The following LEMD3 variants were observed in gnomAD, a reference collection of about 807,000 sequenced individuals.
LEMD3 encodes LEM domain containing 3, also known as inner nuclear membrane protein Man1.
A neutral mutation model predicts 95.2 loss-of-function variants in LEMD3; 33 were observed. The observed-to-expected ratio is 0.35, with a 90% CI of 0.26 to 0.46. LEMD3 has a LOEUF of 0.46. LEMD3 is among the 20% of genes least tolerant of loss of function. The pLI is 1.00. For synonymous variants in LEMD3, 525 were observed against 474.6 expected, an observed-to-expected ratio of 1.11 and a Z score of -1.38; for missense variants, 1,210 against 1,192.8, an observed-to-expected ratio of 1.01 and a Z score of -0.21.
chr12:65,170,574 G>T lies in LEMD3; in HGVS notation c.978G>T (p.Gly326=). Residue 326 remains glycine (G), a synonymous_variant, in exon 1 of 13, where the codon GGG becomes GGT. Transcript: ENST00000308330. ...TGAATGACAGGGCGGCGGCTGCCGG[G>T]AGTCTAGACAGGAGCCGAAACCTCG... ...LAMNDRAAAA[G]SLDRSRNLEE... The T allele has an allele frequency of 2.5e-6, 4 of 1,614,010 alleles. No individual in the cohort carries two copies. The highest frequency in any genetic ancestry group is 3.4e-6 in the Non-Finnish European group (4 of 1,179,964).
Position 65,246,247 on chromosome 12 carries a change from G to A in LEMD3, c.2658G>A (p.Lys886=), listed in dbSNP as rs17101179. 5,706 of 1,612,914 alleles carry A rather than the reference G, an allele frequency of 3.5e-3. 170 individuals are homozygous for A. In the African/African-American group the frequency reaches 0.065, roughly 18 times the overall value. ...CTCTCACTTCCAACACTCCATTGAA[G>A]CCATCAAATAAACATATGAACTCCA... ...PQALTSNTPL[K]PSNKHMNSMS... is the part of the protein sequence containing the mutation. Residue 886 remains lysine (K), a synonymous_variant, in exon 13 of 13, where the codon AAG becomes AAA. Coordinates refer to ENST00000308330, the MANE Select transcript of LEMD3 (RefSeq NM_014319.5).
chr12:65,225,797 G>A (rs1046273576), intron 4 of LEMD3, among the ~76,000 whole-genome samples: 1 of 152,122 alleles, frequency 6.6e-6, no homozygotes, highest in African/African-American at 2.4e-5. Flanking sequence ...AGCCAGGATG[G>A]TCTCGATCTC....
chr12:65,236,541 ACT>A (rs1870777453), intron 4 of LEMD3, among the ~76,000 whole-genome samples: 1 of 129,514 alleles, frequency 7.7e-6, no homozygotes, highest in Non-Finnish European at 1.6e-5. Context: ...ACAGAGCAAG[ACT>A]CTGTCTCAAA....
At chr12:65,237,364 T>A (rs112777107) in intron 4 of LEMD3, among the ~76,000 whole-genome samples, 1 of 152,214 alleles carries the variant, frequency 6.6e-6, no homozygotes, top group Non-Finnish European at 1.5e-5. Context: ...CACATTGATA[T>A]GTAGTCAAAA....
chr12:65,202,632 A>G (rs1869640310), intron 1 of LEMD3, among the ~76,000 whole-genome samples: 1 of 152,166 alleles, frequency 6.6e-6, no homozygotes, highest in African/African-American at 2.4e-5. Context: ...GATATTGTAG[A>G]GAATTGGTAT....
At chr12:65,243,535 A>C (rs1870999098) in intron 10 of LEMD3, 66 bp downstream of exon 10, 1 of 879,088 alleles carries the variant, frequency 1.1e-6, no homozygotes, top group East Asian at 2.4e-5. Context: ...AATGCATGAT[A>C]TTCTTATAAT....
intron 9 of LEMD3, 47 bp downstream of exon 9, chr12:65,241,134 A>G (rs1246344220): frequency 1.3e-6 from 2 of 1,515,086 alleles, no homozygotes. Flanking sequence ...CTAATTTTTC[A>G]AAATGACAAA....
chr12:65,223,804 C>T (rs1870365240), intron 4 of LEMD3, among the ~76,000 whole-genome samples: 1 of 147,614 alleles, frequency 6.8e-6, no homozygotes, highest in East Asian at 2.0e-4. Flanking sequence ...TTTTTTGTCC[C>T]CTTTTCCATA....
chr12:65,173,260 C>T (rs938385425), intron 1 of LEMD3, among the ~76,000 whole-genome samples: 4 of 152,114 alleles, frequency 2.6e-5, no homozygotes, highest in African/African-American at 9.7e-5. Flanking sequence ...AAGCACAATT[C>T]TCAGTTAAGG....
intron 1 of LEMD3, among the ~76,000 whole-genome samples, chr12:65,191,924 CAAAAAAAAAAAAA>C (rs35109917): frequency 1.3e-5 from 1 of 74,324 alleles, no homozygotes. Context: ...GACTCCGTCT[CAAAAAAAAAAAAA>C]AAAAAAAAAA....
At chr12:65,228,552 C>T (rs998560980) in intron 4 of LEMD3, among the ~76,000 whole-genome samples, 22 of 151,726 alleles carry the variant, frequency 1.4e-4, no homozygotes, top group Non-Finnish European at 2.8e-4. Context: ...CCTGCCACCA[C>T]GCCTGGCTAA....
chr12:65,186,619 T>G (rs973678496), intron 1 of LEMD3, among the ~76,000 whole-genome samples: 8 of 150,174 alleles, frequency 5.3e-5, no homozygotes, highest in Non-Finnish European at 7.4e-5. Context: ...GCTGCAAGGT[T>G]GGTTTAGATT....
chr12:65,228,402 A>T (rs2030121), intron 4 of LEMD3, among the ~76,000 whole-genome samples: 64,543 of 139,932 alleles, frequency 0.46, 16,993 homozygotes, highest in East Asian at 0.6. Context: ...TTATTTATTT[A>T]TTTTTTTTTT....
At chr12:65,245,350 A>G (rs994849992) in intron 10 of LEMD3, 3 of 260,580 alleles carry the variant, frequency 1.2e-5, no homozygotes, top group African/African-American at 4.6e-5. Flanking sequence ...CGTGTTAGTC[A>G]GGATGGTCTC....
At chr12:65,209,053 A>T (rs1349221221) in intron 1 of LEMD3, among the ~76,000 whole-genome samples, 2 of 152,154 alleles carry the variant, frequency 1.3e-5, no homozygotes, top group Admixed American at 1.3e-4. Context: ...GTTAACACAC[A>T]AAGTGAAATA....
intron 1 of LEMD3, among the ~76,000 whole-genome samples, chr12:65,209,359 A>G (rs762476777): frequency 6.6e-6 from 1 of 152,148 alleles, no homozygotes; most frequent in Non-Finnish European, 1.5e-5. Context: ...GGAACTGCAC[A>G]CTTATATTTT....
At chr12:65,218,940 C>G (rs1045785022) in intron 4 of LEMD3, among the ~76,000 whole-genome samples, 1 of 151,998 alleles carries the variant, frequency 6.6e-6, no homozygotes, top group African/African-American at 2.4e-5. Context: ...AGGCACCCAC[C>G]ACCTCGCCCA....
intron 3 of LEMD3, among the ~76,000 whole-genome samples, chr12:65,217,730 GATTT>G (rs1306307813): frequency 6.6e-6 from 1 of 152,176 alleles, no homozygotes; most frequent in African/African-American, 2.4e-5. Flanking sequence ...GTTTTCCAAA[GATTT>G]ATATGAGCAC....
In LEMD3 at chr12:65,170,792, G is replaced by T. The variant is rs1381246345; in HGVS notation, c.1196G>T (p.Ser399Ile). The change falls in exon 1 of 13, where the codon AGT (serine) becomes ATT (isoleucine). Residue 399 changes from serine (S) to isoleucine (I), a missense_variant. This residue lies in a region of LEMD3 where 749 missense variants were observed against 622.9 expected (regional missense o/e 1.20). Transcript: ENST00000308330. ...TNNHIGGGAF[S>I]VDSPRIYSNS... ...AATCATATTGGCGGTGGGGCCTTCA[G>T]TGTGGACTCCCCCAGGATTTATTCT... is the stretch of plus-strand genomic sequence containing the variant. 3.1e-6 allele frequency: 5 copies of T among 1,614,076 alleles called. No individual in the cohort carries two copies. The highest frequency in any genetic ancestry group is 2.7e-5 in the African/African-American group (2 of 74,924).
Sources: allele counts gnomAD v4.1 joint callset (sites outside exome capture counted in the v4.1 genomes callset), GRCh38; gene constraint gnomAD v4.1.1; regional missense constraint gnomAD v4.1.1; transcripts MANE v1.5; gene names NCBI Gene and HGNC (gene_info 2026-07-23, HGNC 2026-07-21).